The following JMJD1C variants were observed in gnomAD, a reference collection of about 807,000 sequenced individuals.
JMJD1C encodes jumonji domain-containing protein 1C.
A neutral mutation model predicts 245.3 loss-of-function variants in JMJD1C; 31 were observed. The observed-to-expected ratio is 0.13, with a 90% CI of 0.09 to 0.17. JMJD1C has a LOEUF of 0.17. Ranked by LOEUF, JMJD1C falls within the 10% of genes least tolerant of loss-of-function variation. The pLI is 1.00. For synonymous variants in JMJD1C, 1,057 were observed against 1,017.4 expected, an observed-to-expected ratio of 1.04 and a Z score of -0.74; for missense variants, 2,691 against 3,000.2, an observed-to-expected ratio of 0.90 and a Z score of 2.41.
At chr10:63,171,968 A>G (rs1326472980) in intron 24 of JMJD1C, among the ~76,000 whole-genome samples, 2 of 152,216 alleles carry the variant, frequency 1.3e-5, no homozygotes, top group Non-Finnish European at 2.9e-5. Flanking sequence ...ATTGCCACCA[A>G]TTGTGAATTA....
At chr10:63,233,579 C>T (rs974133149) in intron 3 of JMJD1C, among the ~76,000 whole-genome samples, 4 of 151,862 alleles carry the variant, frequency 2.6e-5, no homozygotes, top group Non-Finnish European at 5.9e-5. Context: ...AAATATCCCC[C>T]AAATGAAATC....
chr10:63,321,705 C>T (rs1940887963), intron 2 of JMJD1C, among the ~76,000 whole-genome samples: 1 of 152,222 alleles, frequency 6.6e-6, no homozygotes, highest in South Asian at 2.1e-4. Context: ...TCTGCACTAT[C>T]CTGAATTGAC....
Position 63,214,426 on chromosome 10 carries a change from T to G in JMJD1C, c.1741A>C (p.Asn581His). 1 of 1,613,900 alleles carries G rather than the reference T, an allele frequency of 6.2e-7. No individual in the cohort carries two copies. The highest frequency in any genetic ancestry group is 8.5e-7 in the Non-Finnish European group (1 of 1,179,924). ...AAGTGATCATTTCCTGAAGAAGCAT[T>G]TGTAACACTTGATTGGGTTAGATCC... ...KVDLTQSSVT[N>H]ASSGNDHLNM... Residue 581 changes from asparagine to histidine, a missense_variant, in exon 8 of 26, where the codon AAT becomes CAT. Transcript: ENST00000399262.
In JMJD1C at chr10:63,422,608, C is replaced by A. The variant is rs372626302; in HGVS notation, c.169-42126G>T. The stretch of plus-strand genomic sequence containing the variant: ...TCAAAGCAGGAGTCTCTACTGTAGA[C>A]CCACTCAATGAACATTAAACGTACT... On this transcript the variant is annotated intron_variant, in intron 1 of 25. Transcript: ENST00000399262. 5.3e-5 allele frequency among the ~76,000 whole-genome samples: 8 copies of A among 152,218 alleles called. 1 individual carries two copies. Among genetic ancestry groups the A allele is most frequent in the African/African-American group, 1.9e-4 (8 of 41,528 alleles).
chr10:63,206,482 C>T lies in JMJD1C; in HGVS notation c.5074+113G>A, dbSNP rs149517818. On this transcript the variant is annotated intron_variant, in intron 10 of 25. Coordinates refer to ENST00000399262, the MANE Select transcript of JMJD1C (RefSeq NM_032776.3). ...TGAGCATATACATAAAGCTAAGGCA[C>T]GCAAATGAAGACAAAGGATGCCTTT... The T allele has an allele frequency of 1.6e-4, 117 of 735,024 alleles. No individual in the cohort carries two copies. In the African/African-American group the frequency reaches 1.6e-3, roughly 10 times the overall value. 45.5% of individuals were successfully genotyped at this position (735,024 alleles called of 1,614,324 possible).
intron 2 of JMJD1C, among the ~76,000 whole-genome samples, chr10:63,332,690 A>G (rs925396316): frequency 6.6e-6 from 1 of 152,252 alleles, no homozygotes; most frequent in African/African-American, 2.4e-5. Context: ...ATAATTATCA[A>G]TTAGATTTCA....
rs185223619 is a variant in JMJD1C, at chr10:63,495,549, A to G, written n.113+26189T>C. On this transcript the variant is annotated intron_variant and non_coding_transcript_variant, in intron 1 of 3. Coordinates refer to the JMJD1C transcript ENST00000633035. ...CACTTTGGGAAGCCGAGGCGGGCAG[A>G]TCACCTGAGGTCAGGAGTTCGAGAC... Among the ~76,000 whole-genome samples, 495 of 152,236 alleles carry G rather than the reference A, an allele frequency of 3.3e-3. 2 individuals are homozygous for G. The highest frequency in any genetic ancestry group is 0.012 in the African/African-American group (480 of 41,550).
intron 1 of JMJD1C, among the ~76,000 whole-genome samples, chr10:63,450,023 G>C (rs892419806): frequency 2.0e-5 from 3 of 152,094 alleles, no homozygotes; most frequent in Non-Finnish European, 4.4e-5. Flanking sequence ...TGAGATAGGA[G>C]GCTCACTTGG....
intron 2 of JMJD1C, among the ~76,000 whole-genome samples, chr10:63,310,209 A>T (rs1030605783): frequency 2.6e-5 from 4 of 152,230 alleles, no homozygotes; most frequent in Non-Finnish European, 5.9e-5. Flanking sequence ...TGATTACAGT[A>T]AACAGACATT....
intron 1 of JMJD1C, among the ~76,000 whole-genome samples, chr10:63,426,096 C>A (rs1950423922): frequency 6.6e-6 from 1 of 152,056 alleles, no homozygotes; most frequent in Admixed American, 6.6e-5. Flanking sequence ...AATTTCTTGC[C>A]AGGCCTGGTG....
intron 1 of JMJD1C, among the ~76,000 whole-genome samples, chr10:63,442,528 G>A (rs1324357727): frequency 6.6e-6 from 1 of 152,128 alleles, no homozygotes; most frequent in Non-Finnish European, 1.5e-5. Context: ...TATTTAATGT[G>A]CATAAAATAA....
intron 2 of JMJD1C, among the ~76,000 whole-genome samples, chr10:63,319,921 A>C (rs981488989): frequency 6.6e-6 from 1 of 151,912 alleles, no homozygotes; most frequent in African/African-American, 2.4e-5. Flanking sequence ...ATGCCACCAC[A>C]CCCAGCTAAT....
At chr10:63,277,288 C>T (rs1261247502) in intron 2 of JMJD1C, among the ~76,000 whole-genome samples, 2 of 148,548 alleles carry the variant, frequency 1.3e-5, no homozygotes, top group Non-Finnish European at 3.0e-5. Flanking sequence ...CCTGAGCCAC[C>T]GAGACTCCCA....
chr10:63,491,703 G>C (rs149649231), intron 1 of JMJD1C, among the ~76,000 whole-genome samples: 1 of 152,206 alleles, frequency 6.6e-6, no homozygotes, highest in African/African-American at 2.4e-5. Context: ...ATACTGTTAT[G>C]ACACAATCCC....
chr10:63,172,737 A>C (rs1842487218), intron 24 of JMJD1C, among the ~76,000 whole-genome samples: 1 of 151,796 alleles, frequency 6.6e-6, no homozygotes. Context: ...TGAAGCCTAA[A>C]AAAGTGTAAA....
chr10:63,239,573 TA>T (rs1423389242), intron 3 of JMJD1C, among the ~76,000 whole-genome samples: 2 of 152,128 alleles, frequency 1.3e-5, no homozygotes, highest in Non-Finnish European at 2.9e-5. Flanking sequence ...GCCTCCTGAG[TA>T]GCTGGGACTA....
chr10:63,361,174 G>A (rs900415690), intron 2 of JMJD1C, among the ~76,000 whole-genome samples: 1 of 152,094 alleles, frequency 6.6e-6, no homozygotes, highest in Admixed American at 6.6e-5. Context: ...TGTAATCCCG[G>A]CACTTTGGGA....
chr10:63,463,498 G>A (rs1952945398), intron 1 of JMJD1C, among the ~76,000 whole-genome samples: 1 of 152,156 alleles, frequency 6.6e-6, no homozygotes, highest in South Asian at 2.1e-4. Context: ...CTACTCTGCA[G>A]TAATCAAAGT....
At chr10:63,295,959 A>ATG (rs370590868) in intron 2 of JMJD1C, among the ~76,000 whole-genome samples, 2,600 of 89,772 alleles carry the variant, frequency 0.029, 142 homozygotes, top group Admixed American at 0.06. Context: ...ATACACGTAT[A>ATG]TGTGTGTGTG....
Sources: gnomAD v4.1 joint callset for allele counts (sites outside exome capture counted in the v4.1 genomes callset) on GRCh38, gnomAD v4.1.1 for gene constraint, MANE v1.5 for transcripts, NCBI Gene and HGNC (gene_info 2026-07-23, HGNC 2026-07-21) for gene names.